Variants in PLD2 observed in about 807,000 individuals in gnomAD.
PLD2 encodes the protein phospholipase D2, also known as choline phosphatase 2.
A neutral mutation model predicts 119.8 loss-of-function variants in PLD2; 101 were observed. The observed-to-expected ratio is 0.84, with a 90% CI of 0.72 to 0.99. The LOEUF (loss-of-function observed/expected upper bound fraction) is 0.99, where lower values mean the gene tolerates loss of function less well. Ranked by LOEUF, PLD2 falls within the 50% of genes least tolerant of loss-of-function variation. The probability of loss-of-function intolerance (pLI) is 0.00; values close to 1 mark genes in which losing one functional copy is unlikely to be tolerated. For synonymous variants in PLD2, 494 were observed against 482.8 expected (o/e 1.02, Z -0.30); for missense variants, 1,164 against 1,226.8 (o/e 0.95, Z 0.76).
At chr17:4,810,550 C>G (rs1906352589) in intron 9 of PLD2, among the ~76,000 whole-genome samples, 1 of 152,144 alleles carries the variant, frequency 6.6e-6, no homozygotes, top group Non-Finnish European at 1.5e-5. Flanking sequence ...GAGGCTGAGG[C>G]AGGAGAATCG....
rs971783107 is a variant in PLD2 at position 4,809,618 on chromosome 17, T to C, written c.614+67T>C. 33 of 1,609,152 alleles carry C rather than the reference T, an allele frequency of 2.1e-5. No homozygotes were observed. The African/African-American group carries it at 2.5e-4, about 12-fold the overall frequency. Reference sequence around the variant, plus strand: ...ACTCTTAATTTCTCCCTGCCTGAGATTGGGGCAAGCAGTGCAGGGTGGGCT... The same window carrying C: ...ACTCTTAATTTCTCCCTGCCTGAGACTGGGGCAAGCAGTGCAGGGTGGGCT... On this transcript the variant is annotated intron_variant, in intron 7 of 24. Coordinates refer to ENST00000263088, the MANE Select transcript of PLD2 (RefSeq NM_002663.5).
At position 4,819,369 on chromosome 17, in the gene PLD2, T is replaced by C. The variant is rs1319720675; in HGVS notation, c.2309-60T>C. On this transcript the variant is annotated intron_variant, in intron 22 of 24. Transcript: ENST00000263088. This position sits in a 1 kb window ranked among gnomAD's most constrained non-coding sequence, Gnocchi z 4.2. ...CAGGCCAGTGCTTTGGTAGAGGGGATGGGGTACTGGGGAGAGTGCCCTGGG... is the reference window on the plus strand; with the variant it reads ...CAGGCCAGTGCTTTGGTAGAGGGGACGGGGTACTGGGGAGAGTGCCCTGGG... 2.5e-6 allele frequency: 4 copies of C among 1,606,518 alleles called. No individual in the cohort carries two copies. The highest frequency in any genetic ancestry group is 3.4e-6 in the Non-Finnish European group (4 of 1,175,878).
chr17:4,812,515 G>T (rs1324134536), intron 10 of PLD2, among the ~76,000 whole-genome samples: 2 of 151,784 alleles, frequency 1.3e-5, no homozygotes, highest in Non-Finnish European at 2.9e-5. Flanking sequence ...GGATGGTCTC[G>T]ATCTCCTGAC....
In PLD2 at chr17:4,810,841, G is replaced by C. The variant is rs772804674; in HGVS notation, c.900G>C (p.Arg300=). The C allele has an allele frequency of 6.2e-7, 1 of 1,613,606 alleles. No individual in the cohort carries two copies. The highest frequency in any genetic ancestry group is 1.7e-5 in the Admixed American group (1 of 59,940). Residue 300 remains arginine, a synonymous_variant, in exon 10 of 25, where the codon CGG becomes CGC. Coordinates refer to ENST00000263088, the MANE Select transcript of PLD2 (RefSeq NM_002663.5). ...AGTGCAGCAGCTACCGGCAGGCACG[G>C]TGGTGGGCCCAAGAGATCACTGAGC... The part of the protein sequence containing the change: ...ILKCSSYRQA[R]WWAQEITELA...
At position 4,820,354 on chromosome 17, in the gene PLD2, G is replaced by A. The variant is rs528852291; in HGVS notation, c.2462+772G>A. 5.7e-3 allele frequency among the ~76,000 whole-genome samples: 849 copies of A among 150,178 alleles called. 13 individuals are homozygous for A. Among genetic ancestry groups the A allele is most frequent in the African/African-American group, 0.019 (762 of 40,732 alleles). On this transcript the variant is annotated intron_variant, in intron 23 of 24. Coordinates refer to ENST00000263088, the MANE Select transcript of PLD2 (RefSeq NM_002663.5). Reference sequence around the variant, plus strand: ...ACGATCCTGGCTCACTGCAACCTCCGCCTCCTGGGTTCAAGCAATTCTTCT... The same window carrying A: ...ACGATCCTGGCTCACTGCAACCTCCACCTCCTGGGTTCAAGCAATTCTTCT...
chr17:4,823,034 AAAGG>A lies in PLD2; in HGVS notation c.*171_*174del. The stretch of plus-strand genomic sequence containing the variant: ...GGACCCTTACGTGAGAAATAGCTGA[AAAGG>A]GCACTCCCAACCCTGGGCTGGGGAG... On this transcript the variant is annotated 3_prime_UTR_variant, in exon 25 of 25. Transcript: ENST00000263088. 1.7e-6 allele frequency: 1 copy of A among 582,712 alleles called. No individual in the cohort carries two copies. Among genetic ancestry groups the A allele is most frequent in the Non-Finnish European group, 3.1e-6 (1 of 326,938 alleles). The allele number at this position is 582,712 out of a possible 1,614,324, so 36.1% of individuals were successfully genotyped here.
Position 4,817,266 on chromosome 17 carries a change from CCCCCCA to C in PLD2, c.1815+9_1815+14del, listed in dbSNP as rs1414124968. On this transcript the variant is annotated splice_region_variant and intron_variant, in intron 17 of 24. Coordinates refer to ENST00000263088, the MANE Select transcript of PLD2 (RefSeq NM_002663.5). Reference sequence around the variant, plus strand: ...GCAGTGCACCACCGTACAGGTGAGGCCCCCCACTTCAGCCAGCCCTCCCCTTTGTCT... The same window carrying C: ...GCAGTGCACCACCGTACAGGTGAGGCCTTCAGCCAGCCCTCCCCTTTGTCT... The C allele has an allele frequency of 2.6e-6, 4 of 1,556,742 alleles. No individual in the cohort carries two copies. The highest frequency in any genetic ancestry group is 3.5e-6 in the Non-Finnish European group (4 of 1,127,408).
At position 4,819,020 on chromosome 17, in the gene PLD2, A is replaced by G; in HGVS notation, c.2174-64A>G. Reference sequence around the variant, plus strand: ...TAGGAAGAGTTTCTGGAGTGAGAGGAGGTGGGACAGGGCCCTGTGCACACA... The same window carrying G: ...TAGGAAGAGTTTCTGGAGTGAGAGGGGGTGGGACAGGGCCCTGTGCACACA... On this transcript the variant is annotated intron_variant, in intron 21 of 24. Coordinates refer to ENST00000263088, the MANE Select transcript of PLD2 (RefSeq NM_002663.5). The surrounding 1 kb of genome is among the most constrained non-coding windows in gnomAD (Gnocchi z 4.2). 1 of 1,597,106 alleles carries G rather than the reference A, an allele frequency of 6.3e-7. No homozygotes were observed. The highest frequency in any genetic ancestry group is 1.1e-5 in the South Asian group (1 of 88,912).
chr17:4,809,601 T>A (rs375519232), intron 7 of PLD2, 50 bp downstream of exon 7: 1 of 1,609,312 alleles, frequency 6.2e-7, no homozygotes, highest in Non-Finnish European at 8.5e-7. Flanking sequence ...TCACTCTTAA[T>A]TTCTCCCTGC....
rs559567335 is a variant in PLD2, at chr17:4,816,869, C to T, written c.1583-68C>T. On this transcript the variant is annotated intron_variant, in intron 15 of 24. Transcript: ENST00000263088. ...CAGCCCTCCCTCTGGCAGGCTCTTT[C>T]TCCCTGCCCCAAGTGTCCCAAGGAG... The T allele has an allele frequency of 4.9e-5, 77 of 1,572,366 alleles. 1 individual carries two copies. The African/African-American group carries it at 8.7e-4, about 18-fold the overall frequency.
chr17:4,818,576 T>A lies in PLD2; in HGVS notation c.2092T>A (p.Ser698Thr), dbSNP rs1012776638. Residue 698 changes from serine (S) to threonine (T), a missense_variant, in exon 20 of 25, where the codon TCC (serine) becomes ACC (threonine). Transcript: ENST00000263088. ...EGDISTGGGN[S>T]IQAILHFTYR... ...TGACATCTCCACGGGCGGTGGCAAC[T>A]CCATCCAGGCCATTCTGCACTTTAC... is the stretch of plus-strand genomic sequence containing the variant. 1 of 1,613,680 alleles carries A rather than the reference T, an allele frequency of 6.2e-7. No homozygotes were observed. The highest frequency in any genetic ancestry group is 1.7e-5 in the Admixed American group (1 of 59,982).
intron 9 of PLD2, among the ~76,000 whole-genome samples, chr17:4,810,298 G>A (rs1432534611): frequency 6.6e-6 from 1 of 152,094 alleles, no homozygotes; most frequent in Non-Finnish European, 1.5e-5. Flanking sequence ...CAACAAACCC[G>A]AGTGCCTGGT....
Position 4,808,520 on chromosome 17 carries a change from C to T in PLD2, c.383+104C>T. On this transcript the variant is annotated intron_variant, in intron 4 of 24. Coordinates refer to ENST00000263088, the MANE Select transcript of PLD2 (RefSeq NM_002663.5). This position sits in a 1 kb window ranked among gnomAD's most constrained non-coding sequence, Gnocchi z 4.1. ...AACCTTTCCTCCCTGCAACTCTGGCCACTGTGCTGCCTCCCCTGACCCCAG... is the reference window on the plus strand; with the variant it reads ...AACCTTTCCTCCCTGCAACTCTGGCTACTGTGCTGCCTCCCCTGACCCCAG... 1 of 1,118,800 alleles carries T rather than the reference C, an allele frequency of 8.9e-7. No homozygotes were observed. The highest frequency in any genetic ancestry group is 1.4e-5 in the South Asian group (1 of 72,056). 69.3% of individuals were successfully genotyped at this position (1,118,800 alleles called of 1,614,324 possible).
rs1448057470 is a variant in PLD2, at chr17:4,823,046, C to T, written c.*182C>T. On this transcript the variant is annotated 3_prime_UTR_variant, in exon 25 of 25. Coordinates refer to ENST00000263088, the MANE Select transcript of PLD2 (RefSeq NM_002663.5). Reference sequence around the variant, plus strand: ...GAGAAATAGCTGAAAAGGGCACTCCCAACCCTGGGCTGGGGAGGAGGAGAG... The same window carrying T: ...GAGAAATAGCTGAAAAGGGCACTCCTAACCCTGGGCTGGGGAGGAGGAGAG... 3.5e-6 allele frequency: 2 copies of T among 574,586 alleles called. No individual in the cohort carries two copies. Among genetic ancestry groups the T allele is most frequent in the African/African-American group, 3.7e-5 (2 of 53,614 alleles). 35.6% of individuals were successfully genotyped at this position (574,586 alleles called of 1,614,324 possible).
chr17:4,807,526 T>G lies in PLD2; in HGVS notation c.-1-246T>G. On this transcript the variant is annotated intron_variant, in intron 1 of 24. Transcript: ENST00000263088. The surrounding 1 kb of genome is among the most constrained non-coding windows in gnomAD (Gnocchi z 5.4). ...GGCCTGGCTGGGTGTTCCCCGGGGCTCTGGTTACGGGACGGGGCGGGGGGC... is the reference window on the plus strand; with the variant it reads ...GGCCTGGCTGGGTGTTCCCCGGGGCGCTGGTTACGGGACGGGGCGGGGGGC... 3.0e-6 allele frequency: 1 copy of G among 328,202 alleles called. No individual in the cohort carries two copies. The highest frequency in any genetic ancestry group is 4.6e-5 in the East Asian group (1 of 21,632). The allele number at this position is 328,202 out of a possible 1,614,324, so 20.3% of individuals were successfully genotyped here.
chr17:4,808,661 C>T lies in PLD2; in HGVS notation c.383+245C>T, dbSNP rs1906121853. The stretch of plus-strand genomic sequence containing the variant: ...GCCTCACCCTTTTCTAGTCTCCATT[C>T]CCAGGGTAGGGGGCCTCCGTTTTGC... On this transcript the variant is annotated intron_variant, in intron 4 of 24. Coordinates refer to ENST00000263088, the MANE Select transcript of PLD2 (RefSeq NM_002663.5). This position sits in a 1 kb window ranked among gnomAD's most constrained non-coding sequence, Gnocchi z 4.1. Among the ~76,000 whole-genome samples the T allele has an allele frequency of 6.6e-6, 1 of 152,136 alleles. No individual in the cohort carries two copies. The highest frequency in any genetic ancestry group is 1.5e-5 in the Non-Finnish European group (1 of 68,024).
intron 6 of PLD2, 42 bp from the exon 7 acceptor site, chr17:4,809,451 G>A (rs780305413): frequency 6.2e-6 from 10 of 1,610,066 alleles, no homozygotes; most frequent in Non-Finnish European, 8.5e-6. Flanking sequence ...CTGAGGGGCT[G>A]AAAGCCAGGT....
intron 24 of PLD2, 118 bp downstream of exon 24, chr17:4,822,025 C>T (rs1907727397): frequency 1.5e-6 from 1 of 662,072 alleles, no homozygotes; most frequent in Non-Finnish European, 2.7e-6. Context: ...GGATGAGGGC[C>T]TGGGGACATT....
chr17:4,811,716 C>T (rs1254099987), intron 10 of PLD2, among the ~76,000 whole-genome samples: 1 of 152,200 alleles, frequency 6.6e-6, no homozygotes, highest in Non-Finnish European at 1.5e-5. Flanking sequence ...CACGCACAGA[C>T]AGGAAGTACC....
Sources: allele counts gnomAD v4.1 joint callset (sites outside exome capture counted in the v4.1 genomes callset), GRCh38; gene constraint gnomAD v4.1.1; non-coding constraint Gnocchi (gnomAD v3.1); transcripts MANE v1.5; gene names NCBI Gene and HGNC (gene_info 2026-07-23, HGNC 2026-07-21).